The following HERC3 variants were observed in gnomAD, a reference collection of about 807,000 sequenced individuals.
HERC3 encodes the protein probable E3 ubiquitin-protein ligase HERC3.
Under a neutral mutation model 129.9 loss-of-function variants are expected in HERC3, and 58 were observed. That is an observed-to-expected ratio of 0.45 (90% CI 0.36 to 0.56). The LOEUF (loss-of-function observed/expected upper bound fraction) is 0.56. Ranked by LOEUF, HERC3 falls within the 20% of genes least tolerant of loss-of-function variation. The probability of loss-of-function intolerance (pLI) is 0.00; values close to 1 mark genes in which losing one functional copy is unlikely to be tolerated. For missense variants in HERC3, 835 were observed against 1,244.2 expected (o/e 0.67, Z 4.95); for synonymous variants, 430 against 451.0 (o/e 0.95, Z 0.59).
chr4:88,571,662 T>C, the HERC3 span, among the ~76,000 whole-genome samples: 2 of 152,188 alleles, frequency 1.3e-5, no homozygotes, highest in African/African-American at 4.8e-5. Flanking sequence ...TTGACGTCCT[T>C]AGGCTTGTGA....
intron 3 of HERC3, among the ~76,000 whole-genome samples, chr4:88,608,144 T>C (rs1723879963): frequency 6.6e-6 from 1 of 152,250 alleles, no homozygotes; most frequent in Admixed American, 6.5e-5. Context: ...CCATGTTCCG[T>C]AGTTTCCCTG....
chr4:88,565,299 G>C, the HERC3 span, among the ~76,000 whole-genome samples: 1 of 152,064 alleles, frequency 6.6e-6, no homozygotes, highest in African/African-American at 2.4e-5. Context: ...TTGATTTTCT[G>C]TCTGGATGAT....
intron 23 of HERC3, chr4:88,692,867 G>C (rs1386895278): frequency 1.0e-6 from 1 of 985,056 alleles, no homozygotes; most frequent in Non-Finnish European, 1.2e-6. Flanking sequence ...GCTAAGGCTG[G>C]GGCTCAAGAG....
intron 24 of HERC3, 85 bp downstream of exon 24, chr4:88,704,366 C>A (rs144225858): frequency 0.016 from 22,408 of 1,413,892 alleles, 391 homozygotes; most frequent in South Asian, 0.066. Flanking sequence ...TGGTCTCGTT[C>A]CAAGCATACT....
chr4:88,534,485 GT>G, the HERC3 span, among the ~76,000 whole-genome samples: 39 of 111,326 alleles, frequency 3.5e-4, no homozygotes, highest in East Asian at 1.2e-3. Flanking sequence ...TAACAGTTTT[GT>G]TTTTTTTTTC....
chr4:88,630,639 A>G (rs1322963505), intron 3 of HERC3, among the ~76,000 whole-genome samples: 6 of 152,180 alleles, frequency 3.9e-5, no homozygotes, highest in South Asian at 4.1e-4. Context: ...GACTATTAGT[A>G]TTTTCACCTG....
the HERC3 span, among the ~76,000 whole-genome samples, chr4:88,536,078 A>G: frequency 6.6e-6 from 1 of 152,178 alleles, no homozygotes; most frequent in African/African-American, 2.4e-5. Context: ...CAAGTGGCCA[A>G]AAGCTCCCAG....
the HERC3 span, among the ~76,000 whole-genome samples, chr4:88,576,063 ACTTTT>A: frequency 6.6e-6 from 1 of 152,144 alleles, no homozygotes; most frequent in African/African-American, 2.4e-5. Flanking sequence ...GCAATCTAGG[ACTTTT>A]CTTTGATTTT....
the HERC3 span, among the ~76,000 whole-genome samples, chr4:88,558,071 C>CAAAAAAA: frequency 5.1e-4 from 20 of 39,108 alleles, no homozygotes; most frequent in Admixed American, 9.4e-4. Flanking sequence ...GACTCTGACT[C>CAAAAAAA]AAAAAAAAAA....
At chr4:88,692,820 C>T (rs1009254468) in intron 23 of HERC3, 2 of 853,564 alleles carry the variant, frequency 2.3e-6, no homozygotes, top group Non-Finnish European at 2.8e-6. Context: ...TTGAGTTAGA[C>T]TGCGCTCCAT....
chr4:88,698,467 G>A (rs956049741), intron 23 of HERC3, among the ~76,000 whole-genome samples: 18 of 151,994 alleles, frequency 1.2e-4, no homozygotes, highest in African/African-American at 4.1e-4. Flanking sequence ...GAGCCATTTG[G>A]GTAGGAAATC....
chr4:88,540,388 G>A, the HERC3 span, among the ~76,000 whole-genome samples: 1 of 152,130 alleles, frequency 6.6e-6, no homozygotes, highest in Non-Finnish European at 1.5e-5. Context: ...GAGAAGACAA[G>A]TTTAGAGAAA....
chr4:88,671,160 CT>C (rs1186788508), intron 16 of HERC3, among the ~76,000 whole-genome samples: 8 of 152,192 alleles, frequency 5.3e-5, no homozygotes, highest in African/African-American at 1.9e-4. Context: ...ATGCAAGGCT[CT>C]TTAGGATCTC....
At chr4:88,577,288 G>A in the HERC3 span, among the ~76,000 whole-genome samples, 1 of 152,264 alleles carries the variant, frequency 6.6e-6, no homozygotes, top group Middle Eastern at 3.4e-3. Context: ...TCCACACTGA[G>A]GTTTGGCATT....
chr4:88,566,869 A>C, the HERC3 span, among the ~76,000 whole-genome samples: 2 of 152,186 alleles, frequency 1.3e-5, 1 homozygote, highest in South Asian at 4.1e-4. Context: ...AGTTCATTGC[A>C]GCCTTGACCT....
At chr4:88,579,390 G>A in the HERC3 span, among the ~76,000 whole-genome samples, 2 of 152,052 alleles carry the variant, frequency 1.3e-5, no homozygotes, top group African/African-American at 2.4e-5. Flanking sequence ...CTGGGCGATA[G>A]AGTGAGATTC....
intron 3 of HERC3, among the ~76,000 whole-genome samples, chr4:88,634,444 G>C (rs935455079): frequency 9.2e-5 from 14 of 152,146 alleles, no homozygotes; most frequent in Admixed American, 3.9e-4. Context: ...TTCCTTGCAG[G>C]AACTCCGTCT....
chr4:88,692,823 C>T (rs192892162), intron 23 of HERC3: 63 of 866,516 alleles, frequency 7.3e-5, no homozygotes, highest in Middle Eastern at 5.9e-4. Context: ...AGTTAGACTG[C>T]GCTCCATGGG....
At chr4:88,689,934 T>C (rs1733899941) in intron 23 of HERC3, 1 of 906,622 alleles carries the variant, frequency 1.1e-6, no homozygotes, top group African/African-American at 1.9e-5. Flanking sequence ...ACATCATTCA[T>C]TAACCATTTT....
Sources: allele counts gnomAD v4.1 joint callset (sites outside exome capture counted in the v4.1 genomes callset), GRCh38; gene constraint gnomAD v4.1.1; transcripts MANE v1.5; gene names NCBI Gene and HGNC (gene_info 2026-07-23, HGNC 2026-07-21).